Variants in STAU1 observed in about 807,000 individuals in gnomAD.
STAU1 encodes the protein double-stranded RNA-binding protein Staufen homolog 1.
In STAU1, 13 loss-of-function variants were observed where a neutral mutation model predicts 62.9. That is an observed-to-expected ratio of 0.21 (90% confidence interval 0.13 to 0.33). The LOEUF is 0.33. Among genes scored for constraint, STAU1 ranks in the 10% least tolerant of loss-of-function variants. The probability of loss-of-function intolerance (pLI) is 1.00; values close to 1 mark genes in which losing one functional copy is unlikely to be tolerated. For synonymous variants in STAU1, 269 were observed against 265.1 expected (o/e 1.01, Z -0.14); for missense variants, 571 against 712.1 (o/e 0.80, Z 2.25).
At chr20:49,154,270 A>G (rs2093319594) in intron 3 of STAU1, among the ~76,000 whole-genome samples, 199 bp from the exon 4 acceptor site, 1 of 152,238 alleles carries the variant, frequency 6.6e-6, no homozygotes, top group African/African-American at 2.4e-5. Context: ...CACAGTCGAC[A>G]GCACAAAATC....
the STAU1 span, among the ~76,000 whole-genome samples, chr20:49,218,982 C>T: frequency 6.9e-6 from 1 of 144,002 alleles, no homozygotes; most frequent in Non-Finnish European, 1.5e-5. Flanking sequence ...CCACTGCACC[C>T]CAGCCTGGGC....
chr20:49,146,936 T>C lies in STAU1; in HGVS notation c.510+4646A>G, dbSNP rs73268149. On this transcript the variant is annotated intron_variant, in intron 5 of 13. Coordinates refer to ENST00000371856, the MANE Select transcript of STAU1 (RefSeq NM_017453.4). ...TTTTCTCTATTACAGATACTGCAGCTATGACCATACTGCTCCTAATAGCTC... is the reference window on the plus strand; with the variant it reads ...TTTTCTCTATTACAGATACTGCAGCCATGACCATACTGCTCCTAATAGCTC... 8.0e-3 allele frequency among the ~76,000 whole-genome samples: 1,225 copies of C among 152,290 alleles called. 16 individuals are homozygous for C. The highest frequency in any genetic ancestry group is 0.028 in the African/African-American group (1,156 of 41,564).
At chr20:49,165,925 T>G in intron 3 of STAU1, 72 bp downstream of exon 3, 1 of 1,518,438 alleles carries the variant, frequency 6.6e-7, no homozygotes. Context: ...TCCCTAAATC[T>G]GCAACCTATC....
rs1440969242 is a variant in STAU1, at chr20:49,115,734, G to A, written c.1718+48C>T. On this transcript the variant is annotated intron_variant, in intron 13 of 13. Coordinates refer to ENST00000371856, the MANE Select transcript of STAU1 (RefSeq NM_017453.4). ...ATAGTGTAAACTCAACACAAACGAG[G>A]GGCAGCCTCCCCATCATCAGCGCCT... 11 of 1,503,154 alleles carry A rather than the reference G, an allele frequency of 7.3e-6. No homozygotes were observed. The South Asian group carries it at 1.0e-4, about 14-fold the overall frequency. 93.1% of individuals were successfully genotyped at this position (1,503,154 alleles called of 1,614,324 possible).
At chr20:49,163,860 G>C (rs2426140) in intron 3 of STAU1, among the ~76,000 whole-genome samples, 3,418 of 152,084 alleles carry the variant, frequency 0.022, 137 homozygotes, top group African/African-American at 0.077. Context: ...AAACTTCTGG[G>C]CTCAAGCAAT....
At chr20:49,134,449 A>AAAAAAAAAAAAAAAAAAAGGG in intron 6 of STAU1, 1 of 609,626 alleles carries the variant, frequency 1.6e-6, no homozygotes. Context: ...AAAAAAAAAA[A>AAAAAAAAAAAAAAAAAAAGGG]GCTCTGGGTT....
At chr20:49,201,053 A>C in the STAU1 span, among the ~76,000 whole-genome samples, 1 of 77,676 alleles carries the variant, frequency 1.3e-5, no homozygotes, top group East Asian at 3.1e-4. Context: ...TCAAAAAAAA[A>C]AAAAAAAAAA....
At chr20:49,158,854 G>A in intron 3 of STAU1, 1 of 972,552 alleles carries the variant, frequency 1.0e-6, no homozygotes, top group Non-Finnish European at 1.4e-6. Context: ...AATCCCAGCA[G>A]ATCGCGCCAC....
chr20:49,122,111 C>T (rs2092478030), intron 8 of STAU1, among the ~76,000 whole-genome samples: 1 of 152,156 alleles, frequency 6.6e-6, no homozygotes, highest in Non-Finnish European at 1.5e-5. Context: ...TTATAAATTG[C>T]TATACAAGAG....
At chr20:49,155,007 A>T (rs752482842) in intron 3 of STAU1, among the ~76,000 whole-genome samples, 1 of 152,192 alleles carries the variant, frequency 6.6e-6, no homozygotes, top group Non-Finnish European at 1.5e-5. Context: ...AATCGCCTGA[A>T]CCCAGGAAGC....
chr20:49,124,042 G>A (rs1184740786), intron 7 of STAU1, among the ~76,000 whole-genome samples: 5 of 152,202 alleles, frequency 3.3e-5, no homozygotes, highest in Admixed American at 2.0e-4. Flanking sequence ...ACAGCAACAT[G>A]GTCACTGAGA....
In STAU1 at chr20:49,122,958, G is replaced by C. The variant is rs1327528122; in HGVS notation, c.966+134C>G. On this transcript the variant is annotated intron_variant, in intron 8 of 13. Transcript: ENST00000371856. ...ATAAATAAATAAATAAATAAATAAG[G>C]ATCACAGTCGCTGGCAGAACATGGC... 32 of 704,626 alleles carry C rather than the reference G, an allele frequency of 4.5e-5. No individual in the cohort carries two copies. The East Asian group carries it at 1.1e-3, about 24-fold the overall frequency. The allele number at this position is 704,626 out of a possible 1,614,324, so 43.6% of individuals were successfully genotyped here.
upstream of STAU1, chr20:49,188,397 GC>G (rs962025545): frequency 2.4e-4 from 36 of 149,196 alleles, no homozygotes; most frequent in South Asian, 3.2e-3. Flanking sequence ...CCCGCCCCCG[GC>G]CCCCGCCCGC....
At chr20:49,141,247 T>A (rs2093001049) in intron 5 of STAU1, among the ~76,000 whole-genome samples, 1 of 152,226 alleles carries the variant, frequency 6.6e-6, no homozygotes, top group African/African-American at 2.4e-5. Flanking sequence ...ATTTATCCAA[T>A]GTCAATAGTT....
chr20:49,143,352 G>C lies in STAU1; in HGVS notation c.511-7421C>G, dbSNP rs185892207. ...CATCCCTATAATCTCTGCACTTTGA[G>C]AGGCCACGGTGGGCGGATCACTTGA... On this transcript the variant is annotated intron_variant, in intron 5 of 13. Transcript: ENST00000371856. Among the ~76,000 whole-genome samples, 56 of 152,290 alleles carry C rather than the reference G, an allele frequency of 3.7e-4. No homozygotes were observed. In the East Asian group the frequency reaches 7.3e-3, roughly 20 times the overall value.
At chr20:49,206,308 TAATC>T in the STAU1 span, among the ~76,000 whole-genome samples, 4 of 151,810 alleles carry the variant, frequency 2.6e-5, no homozygotes, top group Admixed American at 6.6e-5. Flanking sequence ...TTAATTTTCT[TAATC>T]AAAGTAATGT....
chr20:49,125,391 G>A (rs2092585553), intron 6 of STAU1, among the ~76,000 whole-genome samples: 1 of 151,216 alleles, frequency 6.6e-6, no homozygotes, highest in African/African-American at 2.4e-5. Flanking sequence ...TTAGCTAGGG[G>A]TGGTGGTGCA....
Position 49,151,641 on chromosome 20 carries a change from C to A in STAU1, c.451G>T (p.Asp151Tyr). 6.2e-7 allele frequency: 1 copy of A among 1,612,480 alleles called. No individual in the cohort carries two copies. Among genetic ancestry groups the A allele is most frequent in the Non-Finnish European group, 8.5e-7 (1 of 1,179,428 alleles). Residue 151 changes from aspartate to tyrosine, a missense_variant, in exon 5 of 14, where the codon GAT (aspartate) becomes TAT (tyrosine). Transcript: ENST00000371856. The stretch of plus-strand genomic sequence containing the variant: ...ATCCTCAACGCTTTGGCAGCAGCAT[C>A]GTGTTTCGCAGCCTGTCTTGTCTTT... ...KGKTRQAAKH[D>Y]AAAKALRILQ...
At chr20:49,219,246 C>A in the STAU1 span, 1 of 1,171,874 alleles carries the variant, frequency 8.5e-7, no homozygotes, top group Non-Finnish European at 1.2e-6. Flanking sequence ...CTAAAAAGCT[C>A]CGCCCCTTGA....
Sources: gnomAD v4.1 joint callset for allele counts (sites outside exome capture counted in the v4.1 genomes callset) on GRCh38, gnomAD v4.1.1 for gene constraint, MANE v1.5 for transcripts, NCBI Gene and HGNC (gene_info 2026-07-23, HGNC 2026-07-21) for gene names.